Variants in HIVEP3 observed in about 807,000 individuals in gnomAD.
HIVEP3 encodes the protein HIVEP zinc finger 3, also known as transcription factor HIVEP3.
HIVEP3 carries 49 observed loss-of-function variants against 152.8 expected under a neutral mutation model. That is an observed-to-expected ratio of 0.32 (90% CI 0.26 to 0.41). HIVEP3 has a LOEUF of 0.41. Among genes scored for constraint, HIVEP3 ranks in the 10% least tolerant of loss-of-function variants. HIVEP3 has a pLI of 1.00. For synonymous variants in HIVEP3, 1,269 were observed against 1,289.0 expected (o/e 0.98, Z 0.33); for missense variants, 2,790 against 3,103.3 (o/e 0.90, Z 2.40).
At chr1:41,644,383 T>C (rs1645426194) in intron 2 of HIVEP3, among the ~76,000 whole-genome samples, 1 of 151,974 alleles carries the variant, frequency 6.6e-6, no homozygotes, top group Non-Finnish European at 1.5e-5. Context: ...CAAATCACAT[T>C]CTCTTCTAGG....
At position 41,788,426 on chromosome 1, in the gene HIVEP3, C is replaced by A. The variant is rs76320381; in HGVS notation, c.-800-87431G>T. On this transcript the variant is annotated intron_variant, in intron 1 of 8. Transcript: ENST00000372583. ...CCACCCAAGACCACTCAGCCAATGA[C>A]CCCTAGTAGAAGGTCAGCAGCCAGG... is the stretch of plus-strand genomic sequence containing the variant. Among the ~76,000 whole-genome samples, 1,089 of 152,320 alleles carry A rather than the reference C, an allele frequency of 7.1e-3. 7 individuals are homozygous for A. The highest frequency in any genetic ancestry group is 0.02 in the African/African-American group (830 of 41,578).
intron 2 of HIVEP3, among the ~76,000 whole-genome samples, chr1:41,656,314 G>A (rs34868229): frequency 0.02 from 3,044 of 152,318 alleles, 61 homozygotes; most frequent in Non-Finnish European, 0.027. Flanking sequence ...GAAACCCAGG[G>A]GATCCCTCAG....
chr1:41,601,588 ATGATTT>A (rs1434625225), intron 3 of HIVEP3, among the ~76,000 whole-genome samples: 1 of 152,094 alleles, frequency 6.6e-6, no homozygotes, highest in African/African-American at 2.4e-5. Context: ...ATTTTTGTAA[ATGATTT>A]TGTATCCTGC....
At chr1:42,029,238 T>C (rs950900164) in intron 1 of HIVEP3, among the ~76,000 whole-genome samples, 1 of 152,166 alleles carries the variant, frequency 6.6e-6, no homozygotes, top group African/African-American at 2.4e-5. Flanking sequence ...CTCAGTCCCC[T>C]TTCACAGCAC....
At chr1:41,807,098 C>T (rs889322140) in intron 1 of HIVEP3, among the ~76,000 whole-genome samples, 1 of 152,144 alleles carries the variant, frequency 6.6e-6, no homozygotes, top group Non-Finnish European at 1.5e-5. Context: ...GGAGGGATAT[C>T]GCTCATTGAC....
intron 1 of HIVEP3, among the ~76,000 whole-genome samples, chr1:41,833,703 T>A (rs755108705): frequency 6.6e-6 from 1 of 152,128 alleles, no homozygotes; most frequent in Non-Finnish European, 1.5e-5. Context: ...AACATCATGA[T>A]GGACACAAGA....
intron 5 of HIVEP3, among the ~76,000 whole-genome samples, chr1:41,572,809 A>G (rs753506702): frequency 1.3e-5 from 2 of 152,268 alleles, no homozygotes; most frequent in Non-Finnish European, 2.9e-5. Context: ...CTAGGTCTAC[A>G]TGTATCAACA....
At chr1:41,963,039 TCTCG>T (rs1420710233) in intron 1 of HIVEP3, among the ~76,000 whole-genome samples, 2 of 152,000 alleles carry the variant, frequency 1.3e-5, no homozygotes, top group African/African-American at 4.8e-5. Context: ...TGAGACGGAG[TCTCG>T]CTCTGTCACC....
chr1:41,562,145 G>A (rs1323964570), intron 5 of HIVEP3, among the ~76,000 whole-genome samples: 1 of 152,226 alleles, frequency 6.6e-6, no homozygotes, highest in Non-Finnish European at 1.5e-5. Flanking sequence ...CCCTGGAAAC[G>A]GGTGTCATTA....
chr1:41,695,478 T>G (rs543052262), intron 2 of HIVEP3, among the ~76,000 whole-genome samples: 1 of 152,194 alleles, frequency 6.6e-6, no homozygotes, highest in Non-Finnish European at 1.5e-5. Flanking sequence ...CCTGGCCCAG[T>G]GTAGGCCCCA....
At chr1:41,855,739 G>A (rs1204603190) in intron 1 of HIVEP3, among the ~76,000 whole-genome samples, 2 of 152,134 alleles carry the variant, frequency 1.3e-5, no homozygotes, top group African/African-American at 2.4e-5. Context: ...ATTAGAAACG[G>A]CACTAGGGTC....
chr1:41,716,951 G>A (rs957068783), intron 1 of HIVEP3, among the ~76,000 whole-genome samples: 6 of 152,246 alleles, frequency 3.9e-5, no homozygotes, highest in African/African-American at 9.6e-5. Flanking sequence ...CAAGCTGCAC[G>A]CACGTTGTGG....
intron 1 of HIVEP3, among the ~76,000 whole-genome samples, chr1:42,022,581 C>T (rs917136741): frequency 2.6e-5 from 4 of 152,176 alleles, no homozygotes; most frequent in African/African-American, 9.7e-5. Flanking sequence ...GGAAGAGACT[C>T]TTGTTTTATA....
intron 2 of HIVEP3, among the ~76,000 whole-genome samples, chr1:41,661,967 A>C (rs2124046934): frequency 6.6e-6 from 1 of 152,220 alleles, no homozygotes. Flanking sequence ...CCTCACTCCA[A>C]GGGTCCCGGG....
intron 1 of HIVEP3, among the ~76,000 whole-genome samples, chr1:41,838,617 C>T (rs1643196473): frequency 6.6e-6 from 1 of 152,132 alleles, no homozygotes; most frequent in Non-Finnish European, 1.5e-5. Context: ...TTATCACCAT[C>T]CTCCTAGGGA....
chr1:41,845,004 C>T (rs1239146753), intron 1 of HIVEP3, among the ~76,000 whole-genome samples: 2 of 152,212 alleles, frequency 1.3e-5, no homozygotes, highest in Non-Finnish European at 2.9e-5. Flanking sequence ...GGCCTTTGCA[C>T]TGCCTCTTCC....
At chr1:41,603,616 T>TC (rs1644777209) in intron 3 of HIVEP3, among the ~76,000 whole-genome samples, 1 of 152,200 alleles carries the variant, frequency 6.6e-6, no homozygotes, top group Non-Finnish European at 1.5e-5. Context: ...CACCTTGGCC[T>TC]CCCAAAGTGC....
chr1:41,810,664 T>C (rs1650901725), intron 1 of HIVEP3, among the ~76,000 whole-genome samples: 1 of 152,248 alleles, frequency 6.6e-6, no homozygotes, highest in Non-Finnish European at 1.5e-5. Context: ...TCCAAGGTAC[T>C]GACCCTCATT....
intron 1 of HIVEP3, among the ~76,000 whole-genome samples, chr1:42,015,036 GC>G (rs1373071740): frequency 1.3e-5 from 2 of 152,168 alleles, no homozygotes; most frequent in Non-Finnish European, 2.9e-5. Flanking sequence ...GTGGTCAGCA[GC>G]CCTGTGGAGA....
Sources: allele counts gnomAD v4.1 joint callset (sites outside exome capture counted in the v4.1 genomes callset), GRCh38; gene constraint gnomAD v4.1.1; transcripts MANE v1.5; gene names NCBI Gene and HGNC (gene_info 2026-07-23, HGNC 2026-07-21).